ITIH2: variants seen among roughly 807,000 people sequenced by gnomAD.
ITIH2 encodes inter-alpha-trypsin inhibitor heavy chain 2.
In ITIH2, 103 loss-of-function variants were observed where a neutral mutation model predicts 104.4. That is an observed-to-expected ratio of 0.99 (90% CI 0.84 to 1.16). The LOEUF is 1.16. Among genes scored for constraint, ITIH2 ranks in the 50% most tolerant of loss-of-function variants. The pLI is 0.00. For synonymous variants in ITIH2, 436 were observed against 435.4 expected, an observed-to-expected ratio of 1.00 and a Z score of -0.02; for missense variants, 1,108 against 1,162.4, an observed-to-expected ratio of 0.95 and a Z score of 0.68.
At chr10:7,713,121 AG>A in intron 4 of ITIH2, 59 bp from the exon 5 acceptor site, 5 of 1,343,538 alleles carry the variant, frequency 3.7e-6, no homozygotes, top group Non-Finnish European at 5.3e-6. Context: ...CTCCATCTCG[AG>A]GGGAAAAAAA....
At chr10:7,749,075 G>A in intron 20 of ITIH2, 112 bp from the exon 21 acceptor site, 1 of 1,030,408 alleles carries the variant, frequency 9.7e-7, no homozygotes, top group Non-Finnish European at 1.5e-6. Flanking sequence ...CGATAGGTGG[G>A]GGGCGGCAGA....
chr10:7,709,014 A>G lies in ITIH2; in HGVS notation c.193-8A>G, dbSNP rs1357150774. 1 of 1,612,804 alleles carries G rather than the reference A, an allele frequency of 6.2e-7. No individual in the cohort carries two copies. Among genetic ancestry groups the G allele is most frequent in the Non-Finnish European group, 8.5e-7 (1 of 1,178,880 alleles). ...ATCAGTACAGTTATGCTTTCTTGCCAATTTCAGGAAGAGGTTGATCAAGTA... is the reference window on the plus strand; with the variant it reads ...ATCAGTACAGTTATGCTTTCTTGCCGATTTCAGGAAGAGGTTGATCAAGTA... On this transcript the variant is annotated splice_polypyrimidine_tract_variant and splice_region_variant and intron_variant, in intron 3 of 20. Coordinates refer to ENST00000358415, the MANE Select transcript of ITIH2 (RefSeq NM_002216.3).
At chr10:7,744,057 A>G in intron 17 of ITIH2, 25 bp from the exon 18 acceptor site, 10 of 1,595,432 alleles carry the variant, frequency 6.3e-6, no homozygotes, top group Non-Finnish European at 8.6e-6. Flanking sequence ...CAGAAGAGAA[A>G]ACATCATTTT....
chr10:7,727,583 T>C, intron 10 of ITIH2, 120 bp from the exon 11 acceptor site: 3 of 1,179,518 alleles, frequency 2.5e-6, no homozygotes, highest in Non-Finnish European at 3.7e-6. Flanking sequence ...AATGAAATGA[T>C]TTTGGCATGG....
At chr10:7,725,247 T>C (rs1442247830) in intron 9 of ITIH2, among the ~76,000 whole-genome samples, 1 of 152,210 alleles carries the variant, frequency 6.6e-6, no homozygotes, top group Non-Finnish European at 1.5e-5. Context: ...CAATTTTAAA[T>C]AGGCTTGTCA....
intron 16 of ITIH2, among the ~76,000 whole-genome samples, chr10:7,741,179 T>A (rs1835120408): frequency 6.9e-6 from 1 of 145,724 alleles, no homozygotes; most frequent in Non-Finnish European, 1.5e-5. Context: ...TAAGGTTTTT[T>A]TTTTTTTTTT....
chr10:7,722,117 G>C (rs1834909848), intron 8 of ITIH2, among the ~76,000 whole-genome samples: 1 of 152,110 alleles, frequency 6.6e-6, no homozygotes, highest in South Asian at 2.1e-4. Flanking sequence ...ACGGGGTGAG[G>C]AGGAAGGCGC....
At chr10:7,738,533 G>A (rs542078090) in intron 15 of ITIH2, 88 bp from the exon 16 acceptor site, 554 of 1,418,536 alleles carry the variant, frequency 3.9e-4, no homozygotes, top group South Asian at 1.0e-3. Context: ...CAATACCTGG[G>A]GGTGCATAAA....
intron 4 of ITIH2, among the ~76,000 whole-genome samples, chr10:7,709,608 A>T (rs1834777705): frequency 6.6e-6 from 1 of 152,112 alleles, no homozygotes; most frequent in Non-Finnish European, 1.5e-5. Context: ...CTAATTACTT[A>T]TCCAGTGCTT....
Position 7,709,210 on chromosome 10 carries a change from G to C in ITIH2, c.362+19G>C. On this transcript the variant is annotated intron_variant, in intron 4 of 20. Coordinates refer to ENST00000358415, the MANE Select transcript of ITIH2 (RefSeq NM_002216.3). Reference sequence around the variant, plus strand: ...TCTCCATGTGAGTAACTTCTGTGTAGAGCCAGAAATTGTAGGTGCTCTACT... The same window carrying C: ...TCTCCATGTGAGTAACTTCTGTGTACAGCCAGAAATTGTAGGTGCTCTACT... 6.2e-7 allele frequency: 1 copy of C among 1,610,830 alleles called. No homozygotes were observed. The highest frequency in any genetic ancestry group is 1.3e-5 in the African/African-American group (1 of 74,938).
chr10:7,728,607 G>A (rs1383333093), intron 11 of ITIH2, among the ~76,000 whole-genome samples: 3 of 151,794 alleles, frequency 2.0e-5, no homozygotes, highest in African/African-American at 7.3e-5. Flanking sequence ...TGTTGCTCAG[G>A]CTGATCTCAA....
At chr10:7,727,187 C>A (rs1032250925) in intron 10 of ITIH2, 69 bp downstream of exon 10, 1 of 1,302,460 alleles carries the variant, frequency 7.7e-7, no homozygotes, top group Non-Finnish European at 1.1e-6. Flanking sequence ...ACTTAAGAAG[C>A]ATTATTCCCA....
rs1301153427 is a variant in ITIH2, at chr10:7,703,485, A to C, written c.51A>C (p.Ser17=). 4 of 1,613,564 alleles carry C rather than the reference A, an allele frequency of 2.5e-6. No individual in the cohort carries two copies. The African/African-American group carries it at 4.0e-5, about 16-fold the overall frequency. The change falls in exon 1 of 21, where the codon TCA becomes TCC. Residue 17 remains serine, a synonymous_variant. Transcript: ENST00000358415. ...TCTGCTTCTTTCTTTCTGAAGTATC[A>C]GGCTTCGAAATCCCCATAAATGGAC... ...FFICFFLSEV[S]GFEIPINGLS... is the part of the protein sequence containing the mutation.
At chr10:7,748,576 C>A (rs1438641189) in intron 20 of ITIH2, among the ~76,000 whole-genome samples, 3 of 104,928 alleles carry the variant, frequency 2.9e-5, no homozygotes, top group African/African-American at 1.1e-4. Context: ...GAGTCTTGCT[C>A]TGTCGCCCAG....
At chr10:7,722,076 C>T (rs758218028) in intron 8 of ITIH2, among the ~76,000 whole-genome samples, 2 of 152,054 alleles carry the variant, frequency 1.3e-5, no homozygotes, top group East Asian at 3.9e-4. Context: ...AGGCCCTTTG[C>T]AATTAGACAA....
chr10:7,737,417 A>ATATATATATAT (rs1166126176), intron 15 of ITIH2, among the ~76,000 whole-genome samples: 2 of 135,148 alleles, frequency 1.5e-5, no homozygotes, highest in Admixed American at 8.1e-5. Context: ...ATATATATAT[A>ATATATATATAT]TATATATATA....
At chr10:7,733,136 C>T (rs1373034525) in intron 14 of ITIH2, among the ~76,000 whole-genome samples, 1 of 150,320 alleles carries the variant, frequency 6.7e-6, no homozygotes, top group Non-Finnish European at 1.5e-5. Flanking sequence ...CAACACCCAC[C>T]CCCCTCCTCC....
chr10:7,715,249 C>T lies in ITIH2; in HGVS notation c.467+1964C>T, dbSNP rs142247651. Reference sequence around the variant, plus strand: ...CATCCTGGCCAACATGGTGAAACCCCGTCTCTACTAAAATTACGTAAATTA... The same window carrying T: ...CATCCTGGCCAACATGGTGAAACCCTGTCTCTACTAAAATTACGTAAATTA... On this transcript the variant is annotated intron_variant, in intron 5 of 20. Coordinates refer to ENST00000358415, the MANE Select transcript of ITIH2 (RefSeq NM_002216.3). Among the ~76,000 whole-genome samples, 978 of 152,164 alleles carry T rather than the reference C, an allele frequency of 6.4e-3. 11 individuals carry two copies. The highest frequency in any genetic ancestry group is 0.011 in the South Asian group (53 of 4,798).
intron 7 of ITIH2, 37 bp from the exon 8 acceptor site, chr10:7,721,612 C>G (rs750048755): frequency 1.2e-6 from 2 of 1,600,674 alleles, no homozygotes; most frequent in South Asian, 1.1e-5. Flanking sequence ...TGGGAAGGGG[C>G]TAGAGGCAGA....
Sources: gnomAD v4.1 joint callset for allele counts (sites outside exome capture counted in the v4.1 genomes callset) on GRCh38, gnomAD v4.1.1 for gene constraint, MANE v1.5 for transcripts, NCBI Gene and HGNC (gene_info 2026-07-23, HGNC 2026-07-21) for gene names.